ARHGEF37: variants seen among roughly 807,000 people sequenced by gnomAD.
The protein encoded by ARHGEF37 is Rho guanine nucleotide exchange factor 37, also known as Rho guanine nucleotide exchange factor (GEF) 37.
In ARHGEF37, 55 loss-of-function variants were observed where a neutral mutation model predicts 71.1. The ratio of observed to expected loss-of-function variants is 0.77; its 90% CI spans 0.62 to 0.97. The LOEUF is 0.97. Ranked by LOEUF, ARHGEF37 falls within the 50% of genes least tolerant of loss-of-function variation. The probability of loss-of-function intolerance (pLI) is 0.00; values close to 1 mark genes in which losing one functional copy is unlikely to be tolerated. For synonymous variants in ARHGEF37, 327 were observed against 350.6 expected, an observed-to-expected ratio of 0.93 and a Z score of 0.75; for missense variants, 765 against 836.8, an observed-to-expected ratio of 0.91 and a Z score of 1.06.
In ARHGEF37 at chr5:149,620,594, C is replaced by A. The variant is rs1752511803; in HGVS notation, c.1005+130C>A. On this transcript the variant is annotated intron_variant, in intron 8 of 12. Coordinates refer to ENST00000333677, the MANE Select transcript of ARHGEF37 (RefSeq NM_001001669.3). ...CCTGTAATCCCAGCACTTTGGGAGG[C>A]CGAGGCAGGCAGATTGCCTGAGCTC... The A allele has an allele frequency of 4.9e-6, 3 of 608,362 alleles. No homozygotes were observed. The South Asian group carries it at 6.5e-5, about 13-fold the overall frequency. The allele number at this position is 608,362 out of a possible 1,614,324, so 37.7% of individuals were successfully genotyped here.
rs983106517 is a variant in ARHGEF37, at chr5:149,613,784, G to C, written c.459-2783G>C. 4.4e-5 allele frequency among the ~76,000 whole-genome samples: 6 copies of C among 135,088 alleles called. 1 individual carries two copies. Among genetic ancestry groups the C allele is most frequent in the Non-Finnish European group, 4.7e-5 (3 of 64,338 alleles). The allele number at this position is 135,088 out of a possible 152,430, so 88.6% of individuals were successfully genotyped here. A position where few individuals can be genotyped will look rare whatever the true frequency, so the allele number is the denominator to read the frequency against. On this transcript the variant is annotated intron_variant, in intron 4 of 12. Coordinates refer to ENST00000333677, the MANE Select transcript of ARHGEF37 (RefSeq NM_001001669.3). ...GTTTTCTTTTTTTTTTTTTTTTTGAGACAAGGTCTCACTCTGTCACCCAGG... is the reference window on the plus strand; with the variant it reads ...GTTTTCTTTTTTTTTTTTTTTTTGACACAAGGTCTCACTCTGTCACCCAGG...
At chr5:149,620,633 C>A (rs542160305) in intron 8 of ARHGEF37, among the ~76,000 whole-genome samples, 169 bp downstream of exon 8, 33 of 152,188 alleles carry the variant, frequency 2.2e-4, no homozygotes, top group African/African-American at 7.7e-4. Context: ...AGTTTGAGAC[C>A]AGCCTGGGCA....
intron 1 of ARHGEF37, among the ~76,000 whole-genome samples, chr5:149,565,501 T>A (rs1435985813): frequency 6.6e-6 from 1 of 152,214 alleles, no homozygotes; most frequent in East Asian, 1.9e-4. Flanking sequence ...ACAACATATA[T>A]TTATGAATGG....
At chr5:149,626,971 G>A in intron 10 of ARHGEF37, 105 bp from the exon 11 acceptor site, 2 of 1,250,008 alleles carry the variant, frequency 1.6e-6, no homozygotes, top group Middle Eastern at 2.2e-4. Context: ...GCAGAGTTAG[G>A]ATCAGGCCCA....
At chr5:149,570,977 T>C (rs1273016142) in intron 1 of ARHGEF37, among the ~76,000 whole-genome samples, 4 of 152,176 alleles carry the variant, frequency 2.6e-5, no homozygotes, top group Non-Finnish European at 4.4e-5. Flanking sequence ...AGTTTCACTC[T>C]TGTTGCCCAG....
intron 1 of ARHGEF37, among the ~76,000 whole-genome samples, chr5:149,565,077 T>C (rs767196985): frequency 6.6e-6 from 1 of 152,182 alleles, no homozygotes; most frequent in African/African-American, 2.4e-5. Context: ...AAAATAACAT[T>C]TGAGGAGCCA....
At chr5:149,554,477 G>T (rs754021703) in intron 1 of ARHGEF37, among the ~76,000 whole-genome samples, 1 of 151,988 alleles carries the variant, frequency 6.6e-6, no homozygotes, top group Non-Finnish European at 1.5e-5. Context: ...CTATAATTTT[G>T]TATATAAGGT....
intron 1 of ARHGEF37, among the ~76,000 whole-genome samples, chr5:149,566,516 C>A (rs1263895136): frequency 2.7e-5 from 4 of 145,668 alleles, no homozygotes; most frequent in South Asian, 2.4e-4. Flanking sequence ...TCCTCCCCCC[C>A]AAAAAAACCA....
intron 2 of ARHGEF37, among the ~76,000 whole-genome samples, chr5:149,598,328 TC>T: frequency 1.0e-5 from 1 of 95,868 alleles, no homozygotes; most frequent in Admixed American, 1.3e-4. Flanking sequence ...TCTTCTTCTT[TC>T]TTCCTCTTCC....
rs1049802627 is a variant in ARHGEF37 at position 149,633,075 on chromosome 5, A to T, written c.*884A>T. Reference sequence around the variant, plus strand: ...CTGGTTAGAAGGGGAGCCAGGGGGAACCCCCAGTGGTTTCAGGTGGCCCCT... The same window carrying T: ...CTGGTTAGAAGGGGAGCCAGGGGGATCCCCCAGTGGTTTCAGGTGGCCCCT... On this transcript the variant is annotated 3_prime_UTR_variant, in exon 13 of 13. Coordinates refer to ENST00000333677, the MANE Select transcript of ARHGEF37 (RefSeq NM_001001669.3). The T allele has an allele frequency of 5.2e-4, 79 of 152,322 alleles. No homozygotes were observed. The highest frequency in any genetic ancestry group is 1.7e-3 in the African/African-American group (72 of 41,416). The allele number at this position is 152,322 out of a possible 1,614,324, so 9.4% of individuals were successfully genotyped here.
rs769449519 is a variant in ARHGEF37, at chr5:149,621,861, G to C, written c.1134G>C (p.Leu378=). The C allele has an allele frequency of 1.2e-6, 2 of 1,614,242 alleles. No homozygotes were observed. The highest frequency in any genetic ancestry group is 2.2e-5 in the South Asian group (2 of 91,092). The part of the protein sequence containing the change: ...LLDFERVEEK[L]LEVGSVTYQE... Reference sequence around the variant, plus strand: ...ACTTTGAGCGGGTGGAAGAGAAGCTGCTGGAGGTGGGCAGTGTGACCTACC... The same window carrying C: ...ACTTTGAGCGGGTGGAAGAGAAGCTCCTGGAGGTGGGCAGTGTGACCTACC... The change falls in exon 9 of 13, where the codon CTG becomes CTC. Residue 378 remains leucine (L), a synonymous_variant. Coordinates refer to ENST00000333677, the MANE Select transcript of ARHGEF37 (RefSeq NM_001001669.3).
intron 1 of ARHGEF37, among the ~76,000 whole-genome samples, chr5:149,567,524 C>T (rs934467119): frequency 6.6e-6 from 1 of 152,080 alleles, no homozygotes; most frequent in Non-Finnish European, 1.5e-5. Flanking sequence ...AAATATACCA[C>T]TCCTTCTATA....
chr5:149,566,869 T>TTA (rs1367957584), intron 1 of ARHGEF37, among the ~76,000 whole-genome samples: 1 of 152,290 alleles, frequency 6.6e-6, no homozygotes, highest in East Asian at 1.9e-4. Flanking sequence ...TCTCTTCTAA[T>TTA]TATATATATA....
chr5:149,575,157 C>T (rs1763011880), intron 1 of ARHGEF37, among the ~76,000 whole-genome samples: 1 of 152,210 alleles, frequency 6.6e-6, no homozygotes, highest in African/African-American at 2.4e-5. Context: ...ATTCAATCCA[C>T]TTATAATGAA....
chr5:149,608,785 C>T (rs769645569), intron 3 of ARHGEF37, among the ~76,000 whole-genome samples: 20 of 152,114 alleles, frequency 1.3e-4, no homozygotes, highest in Non-Finnish European at 2.4e-4. Context: ...GTCCCTAGTT[C>T]CCTGGAATCC....
At position 149,621,908 on chromosome 5, in the gene ARHGEF37, C is replaced by T. The variant is rs568581071; in HGVS notation, c.1181C>T (p.Thr394Ile). The stretch of plus-strand genomic sequence containing the variant: ...TACCAGGAGGAGGCCGCCCGGCACA[C>T]ATACCAGGCACTCAACTCGCTGCTA... The part of the protein sequence containing the change: ...VTYQEEAARH[T>I]YQALNSLLVA... The change falls in exon 9 of 13, where the codon ACA becomes ATA. Residue 394 changes from threonine (T) to isoleucine (I), a missense_variant. Transcript: ENST00000333677. The T allele has an allele frequency of 5.6e-6, 9 of 1,614,268 alleles. No individual in the cohort carries two copies. In the South Asian group the frequency reaches 9.9e-5, roughly 18 times the overall value.
intron 1 of ARHGEF37, among the ~76,000 whole-genome samples, chr5:149,593,325 C>T (rs1763462510): frequency 6.6e-6 from 1 of 152,216 alleles, no homozygotes; most frequent in African/African-American, 2.4e-5. Flanking sequence ...TCCAATTCTC[C>T]ATCCCCTCAG....
chr5:149,592,762 GTTTGTT>G (rs780108678), intron 1 of ARHGEF37, among the ~76,000 whole-genome samples: 2 of 151,894 alleles, frequency 1.3e-5, no homozygotes, highest in African/African-American at 4.8e-5. Flanking sequence ...TTTTTGGTTT[GTTTGTT>G]TTTGTTTTTG....
chr5:149,626,995 T>C (rs1328154856), intron 10 of ARHGEF37, 81 bp from the exon 11 acceptor site: 4 of 1,460,150 alleles, frequency 2.7e-6, no homozygotes, highest in East Asian at 2.3e-5. Context: ...CTCCTGGCTG[T>C]CAAAATGTGA....
Sources: gnomAD v4.1 joint callset for allele counts (sites outside exome capture counted in the v4.1 genomes callset) on GRCh38, gnomAD v4.1.1 for gene constraint, MANE v1.5 for transcripts, NCBI Gene and HGNC (gene_info 2026-07-23, HGNC 2026-07-21) for gene names.